Variants in MORF4L1 observed in about 807,000 individuals in gnomAD.
The protein encoded by MORF4L1 is mortality factor 4-like protein 1.
A neutral mutation model predicts 52.9 loss-of-function variants in MORF4L1; 4 were observed. The ratio of observed to expected loss-of-function variants is 0.08; its 90% confidence interval spans 0.04 to 0.17. MORF4L1 has a LOEUF of 0.17. Ranked by LOEUF, MORF4L1 falls within the 10% of genes least tolerant of loss-of-function variation. The probability of loss-of-function intolerance (pLI) is 1.00; values close to 1 mark genes in which losing one functional copy is unlikely to be tolerated. For synonymous variants in MORF4L1, 123 were observed against 134.8 expected (o/e 0.91, Z 0.61); for missense variants, 214 against 390.4 (o/e 0.55, Z 3.81).
At chr15:78,891,893 C>T (rs769366526) in intron 7 of MORF4L1, among the ~76,000 whole-genome samples, 2 of 152,000 alleles carry the variant, frequency 1.3e-5, no homozygotes, top group African/African-American at 2.4e-5. Flanking sequence ...GTTTTGATAT[C>T]CATGGTAAAT....
rs570909505 is a variant in MORF4L1, at chr15:78,887,170, C to T, written c.243-99C>T. 29 of 1,009,744 alleles carry T rather than the reference C, an allele frequency of 2.9e-5. No homozygotes were observed. The African/African-American group carries it at 3.6e-4, about 13-fold the overall frequency. The allele number at this position is 1,009,744 out of a possible 1,614,324, so 62.5% of individuals were successfully genotyped here. The stretch of plus-strand genomic sequence containing the variant: ...TGTCCAACTTGTTAAAAACTTGTTG[C>T]CAGAATTTGAATGTAAATTCCTAAT... On this transcript the variant is annotated intron_variant, in intron 4 of 11. Transcript: ENST00000426013.
chr15:78,880,869 G>GTT (rs67358795), intron 3 of MORF4L1, among the ~76,000 whole-genome samples: 11,096 of 144,558 alleles, frequency 0.077, 553 homozygotes, highest in South Asian at 0.15. Context: ...ACATTTTTCT[G>GTT]TTTTTTTTTT....
intron 3 of MORF4L1, among the ~76,000 whole-genome samples, chr15:78,882,455 A>AAACT (rs2056619828): frequency 6.6e-6 from 1 of 152,262 alleles, no homozygotes; most frequent in South Asian, 2.1e-4. Context: ...TGGTAGAAGT[A>AAACT]AACTGTGCTT....
intron 3 of MORF4L1, among the ~76,000 whole-genome samples, chr15:78,884,658 A>G: frequency 1.1e-4 from 1 of 9,040 alleles, no homozygotes; most frequent in South Asian, 8.8e-3. Flanking sequence ...AAAAAAAAAA[A>G]ATACACACAC....
At chr15:78,885,878 CT>C (rs921130300) in intron 3 of MORF4L1, among the ~76,000 whole-genome samples, 1 of 152,230 alleles carries the variant, frequency 6.6e-6, no homozygotes, top group Non-Finnish European at 1.5e-5. Flanking sequence ...AAGTGCCAAA[CT>C]CTTAAGCCAT....
intron 10 of MORF4L1, chr15:78,894,491 C>T (rs1386511913): frequency 1.6e-5 from 6 of 369,238 alleles, no homozygotes; most frequent in Non-Finnish European, 2.9e-5. Flanking sequence ...TCACTGCAAC[C>T]TCCGCCTCCT....
rs565523234 is a variant in MORF4L1 at position 78,891,594 on chromosome 15, G to GA, written c.438+24dup. 38 of 1,563,686 alleles carry GA rather than the reference G, an allele frequency of 2.4e-5. No individual in the cohort carries two copies. In the African/African-American group the frequency reaches 4.6e-4, roughly 19 times the overall value. The stretch of plus-strand genomic sequence containing the variant: ...AAATGTGAGTTTTTCTTGTGTTTAT[G>GA]AATAGCATGTTAGGATTTTTAGTCT... On this transcript the variant is annotated intron_variant, in intron 7 of 11. Coordinates refer to ENST00000426013, the MANE Select transcript of MORF4L1 (RefSeq NM_006791.4).
At chr15:78,884,733 A>G (rs568532687) in intron 3 of MORF4L1, among the ~76,000 whole-genome samples, 1 of 151,990 alleles carries the variant, frequency 6.6e-6, no homozygotes, top group South Asian at 2.1e-4. Context: ...TGTGCAGGGT[A>G]CTTTTTAAAA....
chr15:78,893,638 A>G lies in MORF4L1; in HGVS notation c.629+11A>G. On this transcript the variant is annotated intron_variant, in intron 9 of 11. Coordinates refer to ENST00000426013, the MANE Select transcript of MORF4L1 (RefSeq NM_006791.4). ...AAACACAGATAATAAGTAAGAATAT[A>G]CATTTTTCAGATGACACTCAAAAGA... 6.6e-7 allele frequency: 1 copy of G among 1,524,232 alleles called. No homozygotes were observed. 94.4% of individuals were successfully genotyped at this position (1,524,232 alleles called of 1,614,324 possible).
chr15:78,879,284 C>G (rs980450353), intron 2 of MORF4L1, among the ~76,000 whole-genome samples: 5 of 151,846 alleles, frequency 3.3e-5, no homozygotes, highest in African/African-American at 1.2e-4. Flanking sequence ...TGCAGTGGTG[C>G]GATCTTGGCT....
intron 9 of MORF4L1, 49 bp from the exon 10 acceptor site, chr15:78,894,009 T>A (rs1227385943): frequency 2.0e-6 from 3 of 1,500,858 alleles, no homozygotes; most frequent in Non-Finnish European, 2.8e-6. Context: ...ATTCTCTATG[T>A]CAGTTATTTT....
intron 3 of MORF4L1, among the ~76,000 whole-genome samples, chr15:78,880,869 GT>G (rs67358795): frequency 0.16 from 22,963 of 144,660 alleles, 1,947 homozygotes; most frequent in East Asian, 0.27. Context: ...ACATTTTTCT[GT>G]TTTTTTTTTT....
chr15:78,891,598 A>G (rs749046976), intron 7 of MORF4L1, 26 bp downstream of exon 7: 10 of 1,547,680 alleles, frequency 6.5e-6, no homozygotes, highest in Non-Finnish European at 8.9e-6. Context: ...GTTTATGAAT[A>G]GCATGTTAGG....
At chr15:78,887,639 C>G (rs1239656373) in intron 5 of MORF4L1, among the ~76,000 whole-genome samples, 1 of 152,168 alleles carries the variant, frequency 6.6e-6, no homozygotes, top group Non-Finnish European at 1.5e-5. Context: ...TTTGGCAAGC[C>G]TTTTCAAACC....
At chr15:78,883,527 T>C (rs1270479226) in intron 3 of MORF4L1, among the ~76,000 whole-genome samples, 3 of 152,212 alleles carry the variant, frequency 2.0e-5, no homozygotes, top group East Asian at 1.9e-4. Context: ...TTTTCCTCTT[T>C]GGTGTATTGT....
intron 3 of MORF4L1, among the ~76,000 whole-genome samples, chr15:78,883,174 C>T (rs2056633281): frequency 1.3e-5 from 2 of 149,682 alleles, no homozygotes; most frequent in African/African-American, 2.5e-5. Context: ...GAGATTGCAC[C>T]ACTGTATTCT....
chr15:78,888,587 T>C (rs1345111153), intron 5 of MORF4L1, among the ~76,000 whole-genome samples: 1 of 152,184 alleles, frequency 6.6e-6, no homozygotes, highest in Non-Finnish European at 1.5e-5. Context: ...CCAGAATTAC[T>C]GATCTGATTT....
At chr15:78,884,422 C>T (rs991308675) in intron 3 of MORF4L1, among the ~76,000 whole-genome samples, 6 of 151,816 alleles carry the variant, frequency 4.0e-5, no homozygotes, top group South Asian at 2.1e-4. Context: ...GGCGGATCAC[C>T]TGAGGCTAGG....
At position 78,897,910 on chromosome 15, in the gene MORF4L1, G is replaced by A. The variant is rs1279430022; in HGVS notation, c.*843G>A. ...TCCATAGCAGCTTTGGCAGTTTGCT[G>A]TCTTGAGTCTTAGCTAAAAAGTTAG... On this transcript the variant is annotated 3_prime_UTR_variant, in exon 12 of 12. Transcript: ENST00000426013. 6.6e-6 allele frequency: 1 copy of A among 152,300 alleles called. No homozygotes were observed. The highest frequency in any genetic ancestry group is 2.4e-5 in the African/African-American group (1 of 41,422). 9.4% of individuals were successfully genotyped at this position (152,300 alleles called of 1,614,324 possible).
Sources: allele counts gnomAD v4.1 joint callset (sites outside exome capture counted in the v4.1 genomes callset), GRCh38; gene constraint gnomAD v4.1.1; transcripts MANE v1.5; gene names NCBI Gene and HGNC (gene_info 2026-07-23, HGNC 2026-07-21).